NRG4: variants seen among roughly 807,000 people sequenced by gnomAD.
NRG4 encodes the protein neuregulin 4.
In NRG4, 10 loss-of-function variants were observed where a neutral mutation model predicts 15.0. That is an observed-to-expected ratio of 0.67 (90% CI 0.41 to 1.13). The LOEUF is 1.13. Among genes scored for constraint, NRG4 ranks in the 50% most tolerant of loss-of-function variants. The pLI is 0.00. For synonymous variants in NRG4, 41 were observed against 50.1 expected, an observed-to-expected ratio of 0.82 and a Z score of 0.77; for missense variants, 139 against 140.2, an observed-to-expected ratio of 0.99 and a Z score of 0.04.
intron 4 of NRG4, among the ~76,000 whole-genome samples, chr15:76,040,430 G>A (rs1166326054): frequency 2.0e-5 from 3 of 152,132 alleles, no homozygotes; most frequent in Non-Finnish European, 4.4e-5. Flanking sequence ...GCTAAAGGGA[G>A]TACTTCTATC....
chr15:76,058,869 C>A (rs1309372312), intron 1 of NRG4, among the ~76,000 whole-genome samples: 1 of 152,168 alleles, frequency 6.6e-6, no homozygotes, highest in Non-Finnish European at 1.5e-5. Context: ...CACAGCAGCC[C>A]TTGCAAACAT....
chr15:76,018,319 C>T (rs2141923185), intron 5 of NRG4, among the ~76,000 whole-genome samples: 1 of 152,252 alleles, frequency 6.6e-6, no homozygotes, highest in East Asian at 1.9e-4. Context: ...CTTCTGAAGC[C>T]TAATTCTGTC....
chr15:75,948,825 G>A (rs2031701470), intron 5 of NRG4, among the ~76,000 whole-genome samples: 1 of 152,156 alleles, frequency 6.6e-6, no homozygotes, highest in African/African-American at 2.4e-5. Flanking sequence ...CAGGCAGGAA[G>A]ACGGCTTGAA....
At chr15:76,009,605 G>A (rs1195072204) in intron 2 of NRG4, among the ~76,000 whole-genome samples, 3 of 151,836 alleles carry the variant, frequency 2.0e-5, no homozygotes, top group Non-Finnish European at 2.9e-5. Context: ...GAACAAACAG[G>A]GCCTTTCTCA....
intron 4 of NRG4, among the ~76,000 whole-genome samples, chr15:76,040,261 T>C (rs1248363550): frequency 6.6e-6 from 1 of 152,152 alleles, no homozygotes; most frequent in African/African-American, 2.4e-5. Context: ...GAGAGTGGCA[T>C]GATTTATTTA....
At chr15:75,975,969 C>A (rs2033347193) in intron 3 of NRG4, among the ~76,000 whole-genome samples, 1 of 152,134 alleles carries the variant, frequency 6.6e-6, no homozygotes, top group Admixed American at 6.5e-5. Flanking sequence ...TTCCATTCAC[C>A]CTATCACTTT....
downstream of NRG4, chr15:75,939,811 A>G (rs2030750731): frequency 6.6e-6 from 1 of 152,168 alleles, no homozygotes; most frequent in Non-Finnish European, 1.5e-5. Flanking sequence ...CAGACAAAGC[A>G]TTTGACAAAA....
At chr15:75,959,072 CCT>C in intron 4 of NRG4, 1 of 351,622 alleles carries the variant, frequency 2.8e-6, no homozygotes, top group Non-Finnish European at 5.7e-6. Flanking sequence ...GCCTCTCATT[CCT>C]GGGCTCAAGC....
intron 5 of NRG4, chr15:76,035,901 CGTT>C (rs748623100): frequency 1.3e-5 from 2 of 152,072 alleles, no homozygotes; most frequent in Non-Finnish European, 2.9e-5. Context: ...AATAGATAAA[CGTT>C]GTGAAAAAAC....
intron 3 of NRG4, among the ~76,000 whole-genome samples, chr15:75,970,352 T>C (rs2033031027): frequency 6.6e-6 from 1 of 152,250 alleles, no homozygotes. Flanking sequence ...AACTAGCTTT[T>C]CATATATTCT....
At chr15:76,057,967 G>C (rs573207711) in intron 1 of NRG4, among the ~76,000 whole-genome samples, 11 of 151,966 alleles carry the variant, frequency 7.2e-5, no homozygotes, top group African/African-American at 2.6e-4. Flanking sequence ...GTAGAAATTT[G>C]AAGTGGTCTT....
chr15:75,958,486 C>T (rs907674435), intron 4 of NRG4, among the ~76,000 whole-genome samples: 10 of 152,138 alleles, frequency 6.6e-5, no homozygotes, highest in African/African-American at 1.4e-4. Context: ...TACTGTGAGA[C>T]GCTTTTCAAG....
rs1467057600 is a variant in NRG4 at position 75,955,984 on chromosome 15, T to G, written c.279A>C (p.Ser93=). The G allele has an allele frequency of 1.9e-6, 3 of 1,611,588 alleles. No individual in the cohort carries two copies. The South Asian group carries it at 3.3e-5, about 18-fold the overall frequency. Residue 93 remains serine, a synonymous_variant, in exon 5 of 6, where the codon TCA becomes TCC. Coordinates refer to ENST00000394907, the MANE Select transcript of NRG4 (RefSeq NM_138573.4). ...CRKGHFQRAS[S]VQYDINLVET... ...CTACCAGGTTGATATCATACTGGAC[T>G]GAACTGGCTCTCTGAAAGTGGCCTT...
At chr15:75,998,951 G>C (rs557675362) in intron 3 of NRG4, among the ~76,000 whole-genome samples, 1 of 152,250 alleles carries the variant, frequency 6.6e-6, no homozygotes, top group South Asian at 2.1e-4. Context: ...GACAGCCAGG[G>C]TGCAAGGGAG....
intron 4 of NRG4, 108 bp downstream of exon 4, chr15:75,961,720 T>C: frequency 1.3e-6 from 1 of 778,196 alleles, no homozygotes; most frequent in Non-Finnish European, 2.1e-6. Flanking sequence ...TAACTAAACA[T>C]AATACAGTAT....
chr15:76,018,855 T>C (rs917697222), intron 5 of NRG4, among the ~76,000 whole-genome samples: 1 of 152,182 alleles, frequency 6.6e-6, no homozygotes, highest in African/African-American at 2.4e-5. Context: ...GCTCGGATGC[T>C]GTGCTTAGAG....
intron 4 of NRG4, among the ~76,000 whole-genome samples, chr15:76,044,613 A>T (rs1018394858): frequency 4.0e-5 from 6 of 149,640 alleles, no homozygotes; most frequent in Non-Finnish European, 8.9e-5. Flanking sequence ...AGGTGGGTGG[A>T]TCATGAGGTC....
intron 5 of NRG4, among the ~76,000 whole-genome samples, chr15:76,020,619 A>T (rs944385590): frequency 2.6e-5 from 4 of 152,226 alleles, no homozygotes; most frequent in African/African-American, 9.6e-5. Flanking sequence ...AAATCACAAA[A>T]AAATCTTATA....
intron 1 of NRG4, among the ~76,000 whole-genome samples, chr15:76,058,896 C>T (rs929607996): frequency 6.6e-6 from 1 of 152,114 alleles, no homozygotes; most frequent in African/African-American, 2.4e-5. Context: ...GAGTAGTACC[C>T]ATTATGGGTG....
Sources: allele counts gnomAD v4.1 joint callset (sites outside exome capture counted in the v4.1 genomes callset), GRCh38; gene constraint gnomAD v4.1.1; transcripts MANE v1.5; gene names NCBI Gene and HGNC (gene_info 2026-07-23, HGNC 2026-07-21).